The following AKAP19 variants were observed in gnomAD, a reference collection of about 807,000 sequenced individuals.
AKAP19 encodes A-kinase anchoring protein 19.
the AKAP19 span, among the ~76,000 whole-genome samples, chr2:189,972,463 G>A: frequency 3.8e-4 from 58 of 152,242 alleles, no homozygotes; most frequent in Admixed American, 2.2e-3. Flanking sequence ...TTGGCAATGC[G>A]GGCTCTTTTT....
the AKAP19 span, among the ~76,000 whole-genome samples, chr2:189,965,240 A>T: frequency 6.6e-6 from 1 of 152,196 alleles, no homozygotes; most frequent in Non-Finnish European, 1.5e-5. Flanking sequence ...TTGCCGTCTT[A>T]TATGGGCCCA....
the AKAP19 span, among the ~76,000 whole-genome samples, chr2:190,152,447 G>A: frequency 6.6e-6 from 1 of 152,082 alleles, no homozygotes; most frequent in African/African-American, 2.4e-5. Flanking sequence ...ATCCCCATGT[G>A]CATTCAAGTC....
chr2:189,965,252 G>A, the AKAP19 span, among the ~76,000 whole-genome samples: 1 of 152,086 alleles, frequency 6.6e-6, no homozygotes, highest in African/African-American at 2.4e-5. Flanking sequence ...ATGGGCCCAA[G>A]TTGTAGCATC....
chr2:190,196,205 A>G, the AKAP19 span, among the ~76,000 whole-genome samples: 13 of 151,742 alleles, frequency 8.6e-5, no homozygotes, highest in South Asian at 1.0e-3. Flanking sequence ...TCCTTTCCTC[A>G]TAAGTCATAC....
the AKAP19 span, among the ~76,000 whole-genome samples, chr2:189,951,414 G>T: frequency 6.6e-6 from 1 of 151,990 alleles, no homozygotes; most frequent in African/African-American, 2.4e-5. Context: ...GTTGGCCAGG[G>T]CTGGTCTCGA....
chr2:189,923,523 C>T, the AKAP19 span: 10 of 1,613,692 alleles, frequency 6.2e-6, no homozygotes, highest in East Asian at 2.2e-5. Flanking sequence ...GAGAGAAATG[C>T]CCGGGCTGCT....
the AKAP19 span, chr2:189,930,418 C>G: frequency 3.7e-6 from 1 of 268,338 alleles, no homozygotes; most frequent in Middle Eastern, 1.3e-3. Context: ...TGGCTTCACG[C>G]CTGTAATCCC....
the AKAP19 span, among the ~76,000 whole-genome samples, chr2:190,112,961 A>G: frequency 6.6e-6 from 1 of 152,068 alleles, no homozygotes; most frequent in Non-Finnish European, 1.5e-5. Context: ...ATAACTGGCC[A>G]GATTTTCTTA....
At chr2:190,149,219 T>C in the AKAP19 span, among the ~76,000 whole-genome samples, 1 of 152,324 alleles carries the variant, frequency 6.6e-6, no homozygotes, top group Admixed American at 6.5e-5. Flanking sequence ...TGCCTCAGCC[T>C]CCCAAAGTGC....
chr2:189,940,278 CAA>C, the AKAP19 span, among the ~76,000 whole-genome samples: 25 of 109,378 alleles, frequency 2.3e-4, no homozygotes, highest in Admixed American at 3.8e-4. Flanking sequence ...GACTTCATCT[CAA>C]AAAAAAAAAA....
At chr2:190,113,439 G>A in the AKAP19 span, among the ~76,000 whole-genome samples, 2,742 of 152,168 alleles carry the variant, frequency 0.018, 39 homozygotes, top group Non-Finnish European at 0.027. Flanking sequence ...CATTAATAGC[G>A]TTATAATTAT....
the AKAP19 span, among the ~76,000 whole-genome samples, chr2:190,059,747 A>G: frequency 1.3e-5 from 2 of 151,970 alleles, no homozygotes; most frequent in African/African-American, 4.8e-5. Context: ...ATATTTTAAT[A>G]CATACAGTCA....
At chr2:190,119,767 A>G in the AKAP19 span, among the ~76,000 whole-genome samples, 1 of 152,186 alleles carries the variant, frequency 6.6e-6, no homozygotes, top group Admixed American at 6.5e-5. Context: ...TAACAATCCC[A>G]TGTGACATTC....
At chr2:189,959,621 A>C in the AKAP19 span, among the ~76,000 whole-genome samples, 1 of 152,206 alleles carries the variant, frequency 6.6e-6, no homozygotes. Context: ...CTCTTTCTAC[A>C]CACAAACATG....
the AKAP19 span, among the ~76,000 whole-genome samples, chr2:189,926,286 T>C: frequency 6.6e-6 from 1 of 152,168 alleles, no homozygotes; most frequent in Non-Finnish European, 1.5e-5. Context: ...TACACTTTTT[T>C]TGTTTTGTTT....
At chr2:190,129,058 G>A in the AKAP19 span, among the ~76,000 whole-genome samples, 3 of 152,116 alleles carry the variant, frequency 2.0e-5, no homozygotes, top group African/African-American at 7.2e-5. Context: ...TTCTACAACT[G>A]GCATATATTT....
chr2:190,199,710 G>T, the AKAP19 span: 1 of 1,463,354 alleles, frequency 6.8e-7, no homozygotes, highest in East Asian at 2.4e-5. Context: ...AACACTACAC[G>T]TGAAGAGTGG....
At chr2:190,181,073 C>A in the AKAP19 span, 22 of 985,488 alleles carry the variant, frequency 2.2e-5, no homozygotes, top group Non-Finnish European at 2.7e-5. Flanking sequence ...GCTGTCCGGA[C>A]GTGCCATGGG....
chr2:189,885,400 G>A, the AKAP19 span, among the ~76,000 whole-genome samples: 5,128 of 152,266 alleles, frequency 0.034, 121 homozygotes, highest in Non-Finnish European at 0.052. Context: ...AGAGATATTT[G>A]ACTAGTTCCC....
Sources: gnomAD v4.1 joint callset for allele counts (sites outside exome capture counted in the v4.1 genomes callset) on GRCh38, gnomAD v4.1.1 for gene constraint, MANE v1.5 for transcripts, NCBI Gene and HGNC (gene_info 2026-07-23, HGNC 2026-07-21) for gene names.